PCLO: variants seen among roughly 807,000 people sequenced by gnomAD.
The protein encoded by PCLO is piccolo presynaptic cytomatrix protein, also known as protein piccolo.
In PCLO, 82 loss-of-function variants were observed where a neutral mutation model predicts 427.5. That is an observed-to-expected ratio of 0.19 (90% CI 0.16 to 0.23). The LOEUF (loss-of-function observed/expected upper bound fraction) is 0.23, where lower values mean the gene tolerates loss of function less well. PCLO is among the 10% of genes least tolerant of loss of function. The pLI is 1.00. For missense variants in PCLO, 6,239 were observed against 6,115.9 expected (o/e 1.02, Z -0.67); for synonymous variants, 2,357 against 2,155.4 (o/e 1.09, Z -2.59).
intron 22 of PCLO, among the ~76,000 whole-genome samples, chr7:82,798,500 A>T (rs1303938430): frequency 6.6e-6 from 1 of 152,188 alleles, no homozygotes. Flanking sequence ...TCTCAAGTAC[A>T]ACACAAAGTT....
intron 3 of PCLO, among the ~76,000 whole-genome samples, chr7:83,093,492 A>ATATATATATATATATATTTTTTTTTTT: frequency 1.7e-5 from 1 of 59,342 alleles, no homozygotes; most frequent in African/African-American, 5.4e-5. Flanking sequence ...ATATATATAT[A>ATATATATATATATATATTTTTTTTTTT]TTTTTTTTTT....
At chr7:83,022,610 G>C (rs928028136) in intron 3 of PCLO, among the ~76,000 whole-genome samples, 1 of 152,154 alleles carries the variant, frequency 6.6e-6, no homozygotes, top group Non-Finnish European at 1.5e-5. Flanking sequence ...CTAAATGTGG[G>C]TTGAATGAAT....
chr7:82,954,150 T>G lies in PCLO; in HGVS notation c.6803A>C (p.Asp2268Ala), dbSNP rs755604013. ...AGATTCTATGATAGAAGATGCCATA[T>G]CAGATAAGGAAATAACAATATGATC... The part of the protein sequence containing the change: ...SADHIVISLS[D>A]MASSIIESVV... Residue 2268 changes from aspartate to alanine, a missense_variant, in exon 5 of 25, where the codon GAT (aspartate) becomes GCT (alanine). Around this residue, in one of 5 missense-constraint regions of PCLO, gnomAD observed 4,677 missense variants for 4,468.4 expected, o/e 1.05. Coordinates refer to ENST00000333891, the MANE Select transcript of PCLO (RefSeq NM_033026.6). 1 of 1,613,908 alleles carries G rather than the reference T, an allele frequency of 6.2e-7. No homozygotes were observed. The highest frequency in any genetic ancestry group is 1.3e-5 in the African/African-American group (1 of 75,040).
intron 2 of PCLO, 78 bp from the exon 3 acceptor site, chr7:83,135,734 C>A: frequency 1.3e-6 from 1 of 793,622 alleles, no homozygotes; most frequent in South Asian, 1.9e-5. Context: ...TGCATACTGC[C>A]ATTTGAAACT....
At chr7:82,812,851 T>A in intron 20 of PCLO, among the ~76,000 whole-genome samples, 1 of 151,566 alleles carries the variant, frequency 6.6e-6, no homozygotes, top group Admixed American at 6.6e-5. Context: ...TCTTTCTTGC[T>A]GTTTGCTTGC....
intron 3 of PCLO, among the ~76,000 whole-genome samples, chr7:83,058,278 GCAAGTAACCT>G (rs1277918707): frequency 6.6e-6 from 1 of 152,136 alleles, no homozygotes; most frequent in Non-Finnish European, 1.5e-5. Context: ...ATCATTTGCT[GCAAGTAACCT>G]CAAATGAAAC....
At position 83,093,472 on chromosome 7, in the gene PCLO, G is replaced by GTGTGTGTGTGTA. The variant is rs745824155; in HGVS notation, c.3300+40777_3300+40778insTACACACACACA. 5.1e-4 allele frequency among the ~76,000 whole-genome samples: 51 copies of GTGTGTGTGTGTA among 99,124 alleles called. 4 individuals carry two copies. The highest frequency in any genetic ancestry group is 1.2e-3 in the East Asian group (3 of 2,572). 65.0% of individuals were successfully genotyped at this position (99,124 alleles called of 152,430 possible). ...ACCACAAACATATATATGTGTGTGT[G>GTGTGTGTGTGTA]TATAGATATATATATATATATTTTT... On this transcript the variant is annotated intron_variant, in intron 3 of 24. Coordinates refer to ENST00000333891, the MANE Select transcript of PCLO (RefSeq NM_033026.6).
intron 2 of PCLO, among the ~76,000 whole-genome samples, chr7:83,146,323 T>C (rs146032080): frequency 6.6e-6 from 1 of 152,208 alleles, no homozygotes; most frequent in African/African-American, 2.4e-5. Context: ...ACCTTACTGA[T>C]GTACTTCATA....
intron 16 of PCLO, 31 bp downstream of exon 16, chr7:82,835,636 G>C: frequency 6.3e-7 from 1 of 1,590,188 alleles, no homozygotes; most frequent in Non-Finnish European, 8.6e-7. Flanking sequence ...CATAGCAGCA[G>C]AGCTTGACAC....
At chr7:83,148,520 T>C (rs1792051627) in intron 2 of PCLO, among the ~76,000 whole-genome samples, 1 of 152,184 alleles carries the variant, frequency 6.6e-6, no homozygotes, top group African/African-American at 2.4e-5. Flanking sequence ...AATACTTTTT[T>C]TTCTTTTGTT....
At chr7:82,854,252 T>G (rs1457528914) in intron 10 of PCLO, among the ~76,000 whole-genome samples, 1 of 152,100 alleles carries the variant, frequency 6.6e-6, no homozygotes, top group Non-Finnish European at 1.5e-5. Flanking sequence ...TTTGTAACAT[T>G]TGGATTGGTT....
At chr7:82,898,739 GA>G (rs1793966631) in intron 9 of PCLO, among the ~76,000 whole-genome samples, 1 of 151,252 alleles carries the variant, frequency 6.6e-6, no homozygotes. Flanking sequence ...ACATGAAAAA[GA>G]AACAGCAATT....
intron 3 of PCLO, among the ~76,000 whole-genome samples, chr7:83,128,538 C>A (rs1366457115): frequency 6.6e-6 from 1 of 152,000 alleles, no homozygotes; most frequent in African/African-American, 2.4e-5. Flanking sequence ...ATTGATACAA[C>A]CACTGTGGAA....
At chr7:82,940,761 T>C (rs200031697) in intron 6 of PCLO, among the ~76,000 whole-genome samples, 4,124 of 135,632 alleles carry the variant, frequency 0.03, 37 homozygotes, top group African/African-American at 0.095. Flanking sequence ...CTTTCTTTTT[T>C]TTTTTTTTTT....
rs1257610072 is a variant in PCLO, at chr7:82,915,785, G to A, written c.12201C>T (p.Ser4067=). 3 of 1,612,626 alleles carry A rather than the reference G, an allele frequency of 1.9e-6. No homozygotes were observed. The highest frequency in any genetic ancestry group is 2.5e-6 in the Non-Finnish European group (3 of 1,179,240). Residue 4067 remains serine, a synonymous_variant, in exon 7 of 25, where the codon AGC becomes AGT. Transcript: ENST00000333891. ...TTTTTGACAGATCCTTTTCATGAAG[G>A]CTAAATGCGGTGCTTAATGCCGCTG... ...KGTAALSTAF[S]LHEKDLSKTD...
intron 3 of PCLO, among the ~76,000 whole-genome samples, chr7:83,072,699 T>C (rs1166892080): frequency 6.6e-6 from 1 of 152,090 alleles, no homozygotes; most frequent in Admixed American, 6.6e-5. Flanking sequence ...TCAGATATGA[T>C]ATCCAGATCT....
chr7:82,897,770 C>T (rs1276204932), intron 9 of PCLO, among the ~76,000 whole-genome samples: 1 of 151,278 alleles, frequency 6.6e-6, no homozygotes, highest in Non-Finnish European at 1.5e-5. Flanking sequence ...TTATGCTGTA[C>T]ACATTTTTTT....
At chr7:83,130,130 T>TTTGTTG (rs57722657) in intron 3 of PCLO, among the ~76,000 whole-genome samples, 118 of 151,328 alleles carry the variant, frequency 7.8e-4, no homozygotes, top group African/African-American at 2.6e-3. Context: ...CCATTATGTT[T>TTTGTTG]TTGTTGTTGT....
At chr7:83,088,085 T>C (rs1417504893) in intron 3 of PCLO, among the ~76,000 whole-genome samples, 2 of 152,204 alleles carry the variant, frequency 1.3e-5, no homozygotes, top group African/African-American at 2.4e-5. Context: ...ATAAGCAATC[T>C]TGAAATTTTC....
Sources: allele counts gnomAD v4.1 joint callset (sites outside exome capture counted in the v4.1 genomes callset), GRCh38; gene constraint gnomAD v4.1.1; regional missense constraint gnomAD v4.1.1; transcripts MANE v1.5; gene names NCBI Gene and HGNC (gene_info 2026-07-23, HGNC 2026-07-21).